The following D2HGDH variants were observed in gnomAD, a reference collection of about 807,000 sequenced individuals.
D2HGDH encodes D-2-hydroxyglutarate dehydrogenase, also known as D-2-hydroxyglutarate dehydrogenase, mitochondrial.
In D2HGDH, 31 loss-of-function variants were observed where a neutral mutation model predicts 46.9. That is an observed-to-expected ratio of 0.66 (90% CI 0.50 to 0.89). The LOEUF (loss-of-function observed/expected upper bound fraction) is 0.89. Among genes scored for constraint, D2HGDH ranks in the 40% least tolerant of loss-of-function variants. D2HGDH has a pLI of 0.00. For missense variants in D2HGDH, 698 were observed against 720.8 expected, an observed-to-expected ratio of 0.97 and a Z score of 0.36; for synonymous variants, 364 against 332.6, an observed-to-expected ratio of 1.09 and a Z score of -1.03.
intron 6 of D2HGDH, among the ~76,000 whole-genome samples, chr2:241,747,566 T>C (rs2125113582): frequency 7.5e-6 from 1 of 132,954 alleles, no homozygotes; most frequent in South Asian, 2.4e-4. Context: ...TTTTTTACAT[T>C]ATTCTTCTGT....
chr2:241,767,860 T>A lies in D2HGDH; in HGVS notation c.1457T>A (p.Leu486Gln), dbSNP rs867555907. The change falls in exon 10 of 10, where the codon CTG becomes CAG. Residue 486 changes from leucine (L) to glutamine (Q), a missense_variant. Physicochemically the swap from Leu to Gln is moderately radical, Grantham distance 113. Transcript: ENST00000321264. Reference sequence around the variant, plus strand: ...GTGGGCTTCAGGAAGAGGGACGTCCTGGGCTACAGCAAGCCACCGGGGGCC... The same window carrying A: ...GTGGGCTTCAGGAAGAGGGACGTCCAGGGCTACAGCAAGCCACCGGGGGCC... ...HGVGFRKRDV[L>Q]GYSKPPGALQ... The A allele has an allele frequency of 6.2e-7, 1 of 1,611,124 alleles. No individual in the cohort carries two copies. Among genetic ancestry groups the A allele is most frequent in the South Asian group, 1.1e-5 (1 of 90,898 alleles).
intron 8 of D2HGDH, chr2:241,754,597 CA>C (rs966358049): frequency 1.3e-5 from 2 of 153,610 alleles, no homozygotes; most frequent in African/African-American, 4.8e-5. Flanking sequence ...CTCAATAAAA[CA>C]GAGTCTTTTT....
intron 2 of D2HGDH, among the ~76,000 whole-genome samples, chr2:241,738,323 A>T (rs1693502052): frequency 6.6e-6 from 1 of 152,222 alleles, no homozygotes; most frequent in African/African-American, 2.4e-5. Flanking sequence ...GTCCTGGCTC[A>T]GCACTGCTGT....
At position 241,744,884 on chromosome 2, in the gene D2HGDH, T is replaced by TTCCTCGATGTGTGCC; in HGVS notation, c.853+9_853+23dup. On this transcript the variant is annotated splice_region_variant and intron_variant, in intron 6 of 9. Coordinates refer to ENST00000321264, the MANE Select transcript of D2HGDH (RefSeq NM_152783.5). ...GTGAACGTGGCTTTCCTCGGTGGGC[T>TTCCTCGATGTGTGCC]TCCTCGATGTGTGCCTTGAGATGGG... The TTCCTCGATGTGTGCC allele has an allele frequency of 1.2e-6, 2 of 1,613,982 alleles. No homozygotes were observed. Among genetic ancestry groups the TTCCTCGATGTGTGCC allele is most frequent in the Non-Finnish European group, 1.7e-6 (2 of 1,179,918 alleles).
Position 241,751,277 on chromosome 2 carries a change from A to G in D2HGDH, c.1029A>G (p.Ser343=), listed in dbSNP as rs1697154447. ...CGTTTTACGTCCTCATCGAGACTTC[A>G]GGCTCCAACGCAGGCCATGACGCTG... ...ESPFYVLIET[S]GSNAGHDAEK... Residue 343 remains serine, a synonymous_variant, in exon 8 of 10, where the codon TCA becomes TCG. Coordinates refer to ENST00000321264, the MANE Select transcript of D2HGDH (RefSeq NM_152783.5). 1.5e-5 allele frequency: 25 copies of G among 1,613,848 alleles called. No homozygotes were observed. The East Asian group carries it at 5.3e-4, about 35-fold the overall frequency.
chr2:241,739,565 G>A (rs975894045), intron 2 of D2HGDH, among the ~76,000 whole-genome samples: 2 of 152,230 alleles, frequency 1.3e-5, no homozygotes, highest in Non-Finnish European at 1.5e-5. Flanking sequence ...ACAGGCTCCC[G>A]TGACTGCACC....
Position 241,746,421 on chromosome 2 carries a change from T to C in D2HGDH, c.853+1544T>C, listed in dbSNP as rs185320011. Among the ~76,000 whole-genome samples the C allele has an allele frequency of 3.2e-3, 492 of 152,360 alleles. 2 individuals are homozygous for C. Among genetic ancestry groups the C allele is most frequent in the African/African-American group, 0.011 (464 of 41,586 alleles). ...TTTGTTATTTTTGTCAAATCTGCAA[T>C]GTTACTTTTTATAGTTTTCTATTCT... On this transcript the variant is annotated intron_variant, in intron 6 of 9. Transcript: ENST00000321264.
In D2HGDH at chr2:241,735,534, A is replaced by G. The variant is rs909139118; in HGVS notation, c.292+18A>G. 10 of 1,601,808 alleles carry G rather than the reference A, an allele frequency of 6.2e-6. No homozygotes were observed. Among genetic ancestry groups the G allele is most frequent in the Non-Finnish European group, 7.6e-6 (9 of 1,179,524 alleles). On this transcript the variant is annotated intron_variant, in intron 2 of 9. Transcript: ENST00000321264. ...GCTGCGAGGTGGGTGAGGCTTGGGA[A>G]GCTGCGGCGTTTCCGCGTCCCTGCT...
In D2HGDH at chr2:241,734,643, G is replaced by C. The variant is rs535862564; in HGVS notation, c.-145G>C. The C allele has an allele frequency of 6.6e-6, 1 of 151,412 alleles. No individual in the cohort carries two copies. The highest frequency in any genetic ancestry group is 1.5e-5 in the Non-Finnish European group (1 of 67,862). The allele number at this position is 151,412 out of a possible 1,614,324, so 9.4% of individuals were successfully genotyped here. The stretch of plus-strand genomic sequence containing the variant: ...GTCGCCCCGCCCACTCCGGCTCGGC[G>C]GCTCTGGGCCTGCGGCGGGCGCTGC... On this transcript the variant is annotated 5_prime_UTR_variant, in exon 1 of 10. Transcript: ENST00000321264.
In D2HGDH at chr2:241,742,582, T is replaced by C. The variant is rs756332315; in HGVS notation, c.490+8T>C. 6.2e-7 allele frequency: 1 copy of C among 1,614,066 alleles called. No individual in the cohort carries two copies. The highest frequency in any genetic ancestry group is 1.1e-5 in the South Asian group (1 of 91,088). On this transcript the variant is annotated splice_region_variant and intron_variant, in intron 4 of 9. Transcript: ENST00000321264. The surrounding 1 kb of genome is among the most constrained non-coding windows in gnomAD (Gnocchi z 4.8). Reference sequence around the variant, plus strand: ...GCTTCCACAGCGTGTCTGGTAAGCCTGTGCCACCCGTCGGGGCCCAGGAGT... The same window carrying C: ...GCTTCCACAGCGTGTCTGGTAAGCCCGTGCCACCCGTCGGGGCCCAGGAGT...
intron 2 of D2HGDH, among the ~76,000 whole-genome samples, chr2:241,737,085 C>T (rs1049530129): frequency 6.6e-5 from 10 of 152,208 alleles, no homozygotes; most frequent in African/African-American, 2.2e-4. Context: ...TCTCCTGCCT[C>T]CGCCTCCCGA....
chr2:241,753,157 C>G (rs570681318), intron 8 of D2HGDH, among the ~76,000 whole-genome samples: 1 of 152,232 alleles, frequency 6.6e-6, no homozygotes, highest in Non-Finnish European at 1.5e-5. Flanking sequence ...TCTGTCACCT[C>G]GTTCTGGCTC....
At chr2:241,739,055 G>A (rs952191488) in intron 2 of D2HGDH, among the ~76,000 whole-genome samples, 3 of 152,246 alleles carry the variant, frequency 2.0e-5, no homozygotes, top group Admixed American at 6.5e-5. Flanking sequence ...GGAGCTTCGC[G>A]GTGTGAAAAC....
chr2:241,755,894 G>T lies in D2HGDH; in HGVS notation c.1186G>T (p.Asp396Tyr). ...RERITEALSRDGYVYKYDLSL... is the reference protein window; with the variant it reads ...RERITEALSRYGYVYKYDLSL... ...AAGGATCACAGAGGCGCTGAGCCGG[G>T]ATGGCTACGTGTACAAGTACGACCT... The change falls in exon 9 of 10, where the codon GAT becomes TAT. Residue 396 changes from aspartate to tyrosine, a missense_variant. Asp to Tyr is a radical substitution (Grantham distance 160). Coordinates refer to ENST00000321264, the MANE Select transcript of D2HGDH (RefSeq NM_152783.5). 6.2e-7 allele frequency: 1 copy of T among 1,613,208 alleles called. No homozygotes were observed. Among genetic ancestry groups the T allele is most frequent in the Non-Finnish European group, 8.5e-7 (1 of 1,179,656 alleles).
At chr2:241,755,379 T>TGCCCC (rs1271120140) in intron 8 of D2HGDH, 5 of 1,303,378 alleles carry the variant, frequency 3.8e-6, no homozygotes, top group Non-Finnish European at 5.1e-6. Flanking sequence ...TTCCCTACCC[T>TGCCCC]GCCCCACCCT....
chr2:241,741,264 T>C (rs867976064), intron 3 of D2HGDH, among the ~76,000 whole-genome samples, 174 bp downstream of exon 3: 2 of 152,218 alleles, frequency 1.3e-5, no homozygotes, highest in African/African-American at 4.8e-5. Context: ...GCATCTGTGG[T>C]GTGTAATCAT....
At chr2:241,752,896 G>A (rs1277154301) in intron 8 of D2HGDH, among the ~76,000 whole-genome samples, 3 of 122,838 alleles carry the variant, frequency 2.4e-5, no homozygotes, top group African/African-American at 6.4e-5. Flanking sequence ...AGGGCGGGCC[G>A]TCCTCCATGC....
chr2:241,767,640 C>T (rs1478663049), intron 9 of D2HGDH, 70 bp from the exon 10 acceptor site: 1 of 1,520,824 alleles, frequency 6.6e-7, no homozygotes, highest in Non-Finnish European at 8.8e-7. Flanking sequence ...TTGGGAGGGG[C>T]TGTTGGGGGA....
At chr2:241,761,007 C>T (rs1345580422) in intron 9 of D2HGDH, among the ~76,000 whole-genome samples, 1 of 152,210 alleles carries the variant, frequency 6.6e-6, no homozygotes, top group Non-Finnish European at 1.5e-5. Flanking sequence ...CTGGTTCTGC[C>T]TCTCTGGGAG....
Sources: gnomAD v4.1 joint callset for allele counts (sites outside exome capture counted in the v4.1 genomes callset) on GRCh38, gnomAD v4.1.1 for gene constraint, Gnocchi (gnomAD v3.1) non-coding constraint, MANE v1.5 for transcripts, NCBI Gene and HGNC (gene_info 2026-07-23, HGNC 2026-07-21) for gene names.